Variants in FMN1 observed in about 807,000 individuals in gnomAD.
The protein encoded by FMN1 is formin 1, also known as formin-1.
FMN1 carries 110 observed loss-of-function variants against 132.4 expected under a neutral mutation model. The ratio of observed to expected loss-of-function variants is 0.83; its 90% confidence interval spans 0.71 to 0.97. FMN1 has a LOEUF of 0.97. Ranked by LOEUF, FMN1 falls within the 50% of genes least tolerant of loss-of-function variation. The pLI is 0.00. For missense variants in FMN1, 1,792 were observed against 1,705.3 expected, an observed-to-expected ratio of 1.05 and a Z score of -0.90; for synonymous variants, 722 against 651.7, an observed-to-expected ratio of 1.11 and a Z score of -1.64.
At chr15:33,083,449 G>A (rs534821811) in intron 5 of FMN1, among the ~76,000 whole-genome samples, 8 of 152,176 alleles carry the variant, frequency 5.3e-5, no homozygotes, top group East Asian at 3.9e-4. Flanking sequence ...GGCATTTTGC[G>A]TCCCAACAAC....
intron 3 of FMN1, among the ~76,000 whole-genome samples, chr15:33,166,052 A>T (rs1362252487): frequency 6.6e-6 from 1 of 152,252 alleles, no homozygotes; most frequent in African/African-American, 2.4e-5. Flanking sequence ...AATCACAGTA[A>T]TATGACATCT....
chr15:32,884,689 C>T (rs151048735), intron 16 of FMN1, among the ~76,000 whole-genome samples: 17 of 152,296 alleles, frequency 1.1e-4, no homozygotes, highest in Non-Finnish European at 2.2e-4. Context: ...TAACTATTGC[C>T]ATTGTTTGTG....
intron 9 of FMN1, among the ~76,000 whole-genome samples, chr15:32,945,947 C>A (rs1409469990): frequency 6.6e-6 from 1 of 152,204 alleles, no homozygotes; most frequent in Non-Finnish European, 1.5e-5. Flanking sequence ...ATAATGTACA[C>A]TACTTACAAC....
intron 18 of FMN1, among the ~76,000 whole-genome samples, chr15:32,800,393 G>A (rs1006746599): frequency 1.3e-5 from 2 of 152,166 alleles, no homozygotes; most frequent in African/African-American, 2.4e-5. Flanking sequence ...GAGAAAAACC[G>A]GGAAGGGAAG....
intron 4 of FMN1, 98 bp from the exon 5 acceptor site, chr15:33,089,072 T>C (rs1322450502): frequency 2.2e-6 from 2 of 920,694 alleles, no homozygotes; most frequent in Non-Finnish European, 3.1e-6. Flanking sequence ...TTCTCTATGC[T>C]AGCTCTTACT....
intron 10 of FMN1, among the ~76,000 whole-genome samples, chr15:32,912,205 TAGTA>T (rs1320591230): frequency 6.6e-6 from 1 of 152,208 alleles, no homozygotes; most frequent in Non-Finnish European, 1.5e-5. Flanking sequence ...TTTCTTTTCC[TAGTA>T]AGTAAATACT....
chr15:32,777,717 T>C (rs1253884175), intron 19 of FMN1, among the ~76,000 whole-genome samples: 1 of 143,166 alleles, frequency 7.0e-6, no homozygotes, highest in Non-Finnish European at 1.5e-5. Context: ...TACTTATATA[T>C]TACGTATAAT....
At chr15:33,170,571 C>T (rs1252943492) in intron 3 of FMN1, among the ~76,000 whole-genome samples, 3 of 150,872 alleles carry the variant, frequency 2.0e-5, no homozygotes, top group Admixed American at 2.0e-4. Flanking sequence ...AAAAAAAAAC[C>T]CGTTGAAAAA....
In FMN1 at chr15:32,895,030, G is replaced by A. The variant is rs550386628; in HGVS notation, c.3714+3804C>T. Among the ~76,000 whole-genome samples the A allele has an allele frequency of 2.0e-5, 3 of 152,102 alleles. No homozygotes were observed. The East Asian group carries it at 5.8e-4, about 29-fold the overall frequency. On this transcript the variant is annotated intron_variant, in intron 15 of 20. Transcript: ENST00000616417. ...CTCTAGTATAATTTATTTGACCTTG[G>A]TCTCCATCATTGTACACCTACCAAA...
intron 5 of FMN1, among the ~76,000 whole-genome samples, chr15:33,085,481 A>G (rs1393998125): frequency 6.6e-6 from 1 of 151,314 alleles, no homozygotes. Context: ...ATACTAATAT[A>G]TACTGTTTAA....
At position 32,774,044 on chromosome 15, in the gene FMN1, A is replaced by C. The variant is rs1567144392; in HGVS notation, c.*266T>G. The C allele has an allele frequency of 2.1e-6, 1 of 480,234 alleles. No individual in the cohort carries two copies. The highest frequency in any genetic ancestry group is 3.9e-5 in the East Asian group (1 of 25,344). The allele number at this position is 480,234 out of a possible 1,614,324, so 29.7% of individuals were successfully genotyped here. Reference sequence around the variant, plus strand: ...ACATTTTGGTATTTCTTCTGCTCTTAGAGTGGACTTTGGGCTTCCACAAGA... The same window carrying C: ...ACATTTTGGTATTTCTTCTGCTCTTCGAGTGGACTTTGGGCTTCCACAAGA... On this transcript the variant is annotated 3_prime_UTR_variant, in exon 21 of 21. Transcript: ENST00000616417.
intron 17 of FMN1, among the ~76,000 whole-genome samples, chr15:32,826,556 G>C (rs1428846072): frequency 4.6e-5 from 7 of 152,336 alleles, no homozygotes; most frequent in African/African-American, 1.7e-4. Context: ...GGGAAGCGCA[G>C]ACCAATTTAA....
intron 17 of FMN1, among the ~76,000 whole-genome samples, chr15:32,841,674 G>A (rs778277426): frequency 4.0e-4 from 61 of 152,110 alleles, no homozygotes; most frequent in Non-Finnish European, 3.5e-4. Context: ...AACTGGGTTC[G>A]TGAGGCTAGT....
chr15:33,110,750 C>T (rs1048027062), intron 4 of FMN1, among the ~76,000 whole-genome samples: 1 of 151,842 alleles, frequency 6.6e-6, no homozygotes, highest in African/African-American at 2.4e-5. Context: ...TATTAAATCC[C>T]AATTAAAACT....
rs538202973 is a variant in FMN1 at position 32,922,199 on chromosome 15, C to T, written c.3226+3975G>A. 5.3e-5 allele frequency among the ~76,000 whole-genome samples: 8 copies of T among 152,202 alleles called. No homozygotes were observed. The South Asian group carries it at 1.7e-3, about 32-fold the overall frequency. ...GCTGTTGTAGTCATGACACCTGATG[C>T]GGAGCTGGCACTCTATACAGTTTTA... is the stretch of plus-strand genomic sequence containing the variant. On this transcript the variant is annotated intron_variant, in intron 10 of 20. Transcript: ENST00000616417.
rs747415160 is a variant in FMN1 at position 32,953,437 on chromosome 15, T to C, written c.3138+10670A>G. Reference sequence around the variant, plus strand: ...AGAAGGCAGATTTTTGAATTTCCAATGGTCTCAGGTTTCCTTTGCTTTTAT... The same window carrying C: ...AGAAGGCAGATTTTTGAATTTCCAACGGTCTCAGGTTTCCTTTGCTTTTAT... On this transcript the variant is annotated intron_variant, in intron 9 of 20. Transcript: ENST00000616417. 1.3e-5 allele frequency among the ~76,000 whole-genome samples: 2 copies of C among 152,208 alleles called. 1 individual carries two copies. The highest frequency in any genetic ancestry group is 3.9e-4 in the East Asian group (2 of 5,194).
At chr15:32,911,536 G>C (rs1398514624) in intron 10 of FMN1, among the ~76,000 whole-genome samples, 1 of 152,094 alleles carries the variant, frequency 6.6e-6, no homozygotes, top group Non-Finnish European at 1.5e-5. Context: ...CCAAGGTAAG[G>C]GGCAGGTTGT....
At chr15:32,992,413 A>T (rs1294278290) in intron 7 of FMN1, among the ~76,000 whole-genome samples, 1 of 152,224 alleles carries the variant, frequency 6.6e-6, no homozygotes, top group African/African-American at 2.4e-5. Context: ...ACAATAGTAT[A>T]AGTATGAAGT....
At chr15:33,119,177 T>C (rs1290116403) in intron 4 of FMN1, among the ~76,000 whole-genome samples, 1 of 152,168 alleles carries the variant, frequency 6.6e-6, no homozygotes, top group Admixed American at 6.5e-5. Context: ...GTTAGATTCA[T>C]CTCTATGTTC....
Sources: gnomAD v4.1 joint callset for allele counts (sites outside exome capture counted in the v4.1 genomes callset) on GRCh38, gnomAD v4.1.1 for gene constraint, MANE v1.5 for transcripts, NCBI Gene and HGNC (gene_info 2026-07-23, HGNC 2026-07-21) for gene names.